The following DAB1 variants were observed in gnomAD, a reference collection of about 807,000 sequenced individuals.
The protein encoded by DAB1 is DAB adaptor protein 1.
DAB1 carries 15 observed loss-of-function variants against 64.6 expected under a neutral mutation model. The observed-to-expected ratio is 0.23, with a 90% CI of 0.16 to 0.36. DAB1 has a LOEUF of 0.36. DAB1 is among the 10% of genes least tolerant of loss of function. DAB1 has a pLI of 1.00. For missense variants in DAB1, 596 were observed against 706.7 expected, an observed-to-expected ratio of 0.84 and a Z score of 1.78; for synonymous variants, 235 against 251.9, an observed-to-expected ratio of 0.93 and a Z score of 0.64.
chr1:57,164,707 AAAG>A (rs763425610), intron 2 of DAB1, among the ~76,000 whole-genome samples: 1 of 152,134 alleles, frequency 6.6e-6, no homozygotes, highest in South Asian at 2.1e-4. Flanking sequence ...GGATGTTCTG[AAAG>A]AAGAAGTGAC....
intron 5 of DAB1, among the ~76,000 whole-genome samples, chr1:58,007,653 AGT>A (rs2100420987): frequency 6.6e-6 from 1 of 152,318 alleles, no homozygotes; most frequent in South Asian, 2.1e-4. Context: ...AAGGCAGAAC[AGT>A]GTGGTCTCTT....
At chr1:58,243,034 G>C (rs1304833406) in intron 4 of DAB1, among the ~76,000 whole-genome samples, 1 of 152,086 alleles carries the variant, frequency 6.6e-6, no homozygotes, top group East Asian at 1.9e-4. Context: ...AAACAGCTTG[G>C]TTTCTTCAAA....
intron 5 of DAB1, among the ~76,000 whole-genome samples, chr1:58,070,782 C>G (rs1406894052): frequency 6.6e-6 from 1 of 152,120 alleles, no homozygotes; most frequent in Non-Finnish European, 1.5e-5. Context: ...GAGGAGGAGG[C>G]AAGGTCACAG....
At chr1:57,845,401 G>A (rs1020342780) in intron 1 of DAB1, among the ~76,000 whole-genome samples, 3 of 152,158 alleles carry the variant, frequency 2.0e-5, no homozygotes, top group African/African-American at 7.2e-5. Flanking sequence ...TTTCAGTCTT[G>A]TATCCAATTT....
chr1:57,694,394 C>T (rs570259814), intron 6 of DAB1, among the ~76,000 whole-genome samples: 112 of 151,814 alleles, frequency 7.4e-4, no homozygotes, highest in Non-Finnish European at 1.0e-3. Flanking sequence ...GAGGAGGAAC[C>T]GAGAATATAT....
At chr1:57,143,337 G>A (rs933732836) in intron 3 of DAB1, among the ~76,000 whole-genome samples, 4 of 152,074 alleles carry the variant, frequency 2.6e-5, no homozygotes, top group South Asian at 2.1e-4. Flanking sequence ...CTAGAGTTTG[G>A]AATTCTTCCT....
In DAB1 at chr1:58,070,354, G is replaced by A. The variant is rs187261810; in HGVS notation, n.387+80157C>T. On this transcript the variant is annotated intron_variant and non_coding_transcript_variant, in intron 5 of 20. Transcript: ENST00000485760. ...TGCCAGACATCATGCTGGCAAAGAT[G>A]TCACACAGTACATGGATTTGCTGGT... is the stretch of plus-strand genomic sequence containing the variant. Among the ~76,000 whole-genome samples, 28 of 152,302 alleles carry A rather than the reference G, an allele frequency of 1.8e-4. No individual in the cohort carries two copies. The Middle Eastern group carries it at 0.01, about 56-fold the overall frequency.
intron 2 of DAB1, among the ~76,000 whole-genome samples, chr1:57,192,391 C>G (rs968996905): frequency 1.3e-5 from 2 of 151,724 alleles, no homozygotes; most frequent in African/African-American, 4.9e-5. Flanking sequence ...AAATCCCAGC[C>G]CTTCCACTTA....
intron 3 of DAB1, among the ~76,000 whole-genome samples, chr1:58,426,103 C>A (rs12406121): frequency 0.15 from 22,376 of 152,142 alleles, 2,145 homozygotes; most frequent in Non-Finnish European, 0.21. Context: ...CCTTAATACC[C>A]TTGGGAGTTT....
intron 4 of DAB1, among the ~76,000 whole-genome samples, chr1:58,281,935 T>C (rs775941858): frequency 6.6e-6 from 1 of 152,012 alleles, no homozygotes; most frequent in African/African-American, 2.4e-5. Flanking sequence ...ACCGCCATCA[T>C]CACCACCCCG....
intron 5 of DAB1, among the ~76,000 whole-genome samples, chr1:57,895,261 C>A (rs142742571): frequency 1.8e-3 from 268 of 152,278 alleles, no homozygotes; most frequent in African/African-American, 5.1e-3. Context: ...CTAATTTAAT[C>A]CCCAGGTCAG....
chr1:57,745,508 A>T (rs566058438), intron 6 of DAB1, among the ~76,000 whole-genome samples: 1 of 152,300 alleles, frequency 6.6e-6, no homozygotes, highest in Non-Finnish European at 1.5e-5. Context: ...CTGGAATTGA[A>T]TTATACTACA....
chr1:57,690,843 C>A (rs1193336339), intron 6 of DAB1, among the ~76,000 whole-genome samples: 4 of 152,108 alleles, frequency 2.6e-5, no homozygotes, highest in Admixed American at 2.6e-4. Flanking sequence ...ACATTTTTAA[C>A]AGGGATAAGA....
At chr1:57,058,744 T>C (rs1650087689) in intron 9 of DAB1, among the ~76,000 whole-genome samples, 1 of 152,222 alleles carries the variant, frequency 6.6e-6, no homozygotes, top group Admixed American at 6.5e-5. Context: ...AGCAAAGGGC[T>C]CACTCAAGGT....
intron 7 of DAB1, among the ~76,000 whole-genome samples, chr1:57,511,244 A>G (rs754317623): frequency 2.5e-4 from 38 of 152,142 alleles, no homozygotes; most frequent in Admixed American, 7.2e-4. Context: ...CCATATTTCT[A>G]TGAAAAATAA....
At position 56,996,168 on chromosome 1, in the gene DAB1, C is replaced by A. The variant is rs1645608738; in HGVS notation, c.*1976G>T. ...GTATACAATCATTTTTCAAATGAAT[C>A]TCCCAAATCATTTTAGTTTCTATTG... On this transcript the variant is annotated 3_prime_UTR_variant, in exon 15 of 15. Transcript: ENST00000371236. 1 of 152,174 alleles carries A rather than the reference C, an allele frequency of 6.6e-6. No individual in the cohort carries two copies. The highest frequency in any genetic ancestry group is 2.1e-4 in the South Asian group (1 of 4,828). The allele number at this position is 152,174 out of a possible 1,614,324, so 9.4% of individuals were successfully genotyped here. A position where few individuals can be genotyped will look rare whatever the true frequency, so the allele number is the denominator to read the frequency against.
At chr1:58,493,156 C>T (rs925319583) in intron 3 of DAB1, among the ~76,000 whole-genome samples, 12 of 152,118 alleles carry the variant, frequency 7.9e-5, no homozygotes, top group South Asian at 4.2e-4. Flanking sequence ...ACAGAACCAA[C>T]GAGAAAAACC....
chr1:58,227,009 T>G (rs1211948285), intron 4 of DAB1, among the ~76,000 whole-genome samples: 1 of 152,232 alleles, frequency 6.6e-6, no homozygotes, highest in Non-Finnish European at 1.5e-5. Flanking sequence ...AAGCACTCTG[T>G]AAGGCAGATA....
chr1:57,899,943 T>TA (rs1644449732), intron 5 of DAB1, among the ~76,000 whole-genome samples: 1 of 151,754 alleles, frequency 6.6e-6, no homozygotes, highest in South Asian at 2.1e-4. Context: ...TTTTCTTTTT[T>TA]TTTTTTATTT....
Sources: allele counts gnomAD v4.1 joint callset (sites outside exome capture counted in the v4.1 genomes callset), GRCh38; gene constraint gnomAD v4.1.1; transcripts MANE v1.5; gene names NCBI Gene and HGNC (gene_info 2026-07-23, HGNC 2026-07-21).